The following ZNF488 variants were observed in gnomAD, a reference collection of about 807,000 sequenced individuals.
ZNF488 encodes zinc finger protein 488.
ZNF488 carries 1 observed loss-of-function variant against 1.2 expected under a neutral mutation model. That is an observed-to-expected ratio of 0.86 (90% CI 0.30 to 4.07). ZNF488 has a LOEUF of 4.07. Ranked by LOEUF, ZNF488 falls within the 30% of genes most tolerant of loss-of-function variation. The pLI, the probability that ZNF488 is intolerant of heterozygous loss-of-function variation, is 0.18. For synonymous variants in ZNF488, 185 were observed against 190.1 expected (o/e 0.97, Z 0.22); for missense variants, 450 against 437.9 (o/e 1.03, Z -0.25).
intron 1 of ZNF488, among the ~76,000 whole-genome samples, chr10:47,370,594 T>A (rs571220186): frequency 9.6e-4 from 146 of 152,328 alleles, no homozygotes; most frequent in African/African-American, 3.4e-3. Flanking sequence ...AAGGGTCAGA[T>A]CTGCCTAACA....
In ZNF488 at chr10:47,368,044, C is replaced by A; in HGVS notation, c.786G>T (p.Leu262=). The part of the protein sequence containing the change: ...SSSSTTSWAL[L]PPTLTSLGLS... ...AGCCCAGGGAGGTGAGGGTGGGTGG[C>A]AGGAGGGCCCACGAAGTGGTGGAGG... Residue 262 remains leucine (L), a synonymous_variant, in exon 2 of 2, where the codon CTG becomes CTT. Coordinates refer to ENST00000585316, the MANE Select transcript of ZNF488 (RefSeq NM_153034.4). 3 of 1,614,004 alleles carry A rather than the reference C, an allele frequency of 1.9e-6. No homozygotes were observed. Among genetic ancestry groups the A allele is most frequent in the Non-Finnish European group, 2.5e-6 (3 of 1,179,966 alleles).
At position 47,366,267 on chromosome 10, in the gene ZNF488, G is replaced by A. The variant is rs530407249; in HGVS notation, c.*1540C>T. ...CCACAGGGTTGGAGGCATCATCTGA[G>A]TTACACTTTCAGAAGATTATCTGGT... is the stretch of plus-strand genomic sequence containing the variant. On this transcript the variant is annotated 3_prime_UTR_variant, in exon 2 of 2. Transcript: ENST00000585316. The A allele has an allele frequency of 6.0e-6, 1 of 167,430 alleles. No homozygotes were observed. Among genetic ancestry groups the A allele is most frequent in the South Asian group, 2.1e-4 (1 of 4,828 alleles). 10.4% of individuals were successfully genotyped at this position (167,430 alleles called of 1,614,324 possible).
chr10:47,381,968 C>G (rs535875177), intron 1 of ZNF488, among the ~76,000 whole-genome samples: 48 of 14,010 alleles, frequency 3.4e-3, no homozygotes, highest in Non-Finnish European at 7.1e-3. Context: ...TTATATTTGC[C>G]AGGGCTGCAG....
At chr10:47,371,954 T>C (rs1555213899) in intron 1 of ZNF488, among the ~76,000 whole-genome samples, 14 of 152,100 alleles carry the variant, frequency 9.2e-5, no homozygotes, top group Non-Finnish European at 2.9e-5. Flanking sequence ...CTGCCAAGCC[T>C]GGAACTGAGC....
intron 1 of ZNF488, among the ~76,000 whole-genome samples, chr10:47,369,560 C>G (rs1219133730): frequency 6.6e-6 from 1 of 152,194 alleles, no homozygotes; most frequent in African/African-American, 2.4e-5. Flanking sequence ...ACCAGACCTG[C>G]CTCCCAGCCT....
At chr10:47,376,276 C>T (rs1295601805) in intron 1 of ZNF488, among the ~76,000 whole-genome samples, 5 of 152,016 alleles carry the variant, frequency 3.3e-5, no homozygotes, top group Admixed American at 2.6e-4. Context: ...TGGATGAATA[C>T]GAGTTCACCA....
intron 1 of ZNF488, among the ~76,000 whole-genome samples, chr10:47,375,431 T>C (rs954961321): frequency 8.5e-5 from 13 of 152,194 alleles, no homozygotes; most frequent in African/African-American, 2.9e-4. Context: ...TCAGCCAGAA[T>C]GGGATTATTT....
rs1555212677 is a variant in ZNF488, at chr10:47,365,556, G to A, written c.*2251C>T. Reference sequence around the variant, plus strand: ...GCCATGCCCTGTTCTGGGCACCAGGGATGCACAGTAAACAAACCAATCTCT... The same window carrying A: ...GCCATGCCCTGTTCTGGGCACCAGGAATGCACAGTAAACAAACCAATCTCT... On this transcript the variant is annotated 3_prime_UTR_variant, in exon 2 of 2. Transcript: ENST00000585316. The A allele has an allele frequency of 1.2e-5, 2 of 167,134 alleles. No homozygotes were observed. Among genetic ancestry groups the A allele is most frequent in the African/African-American group, 4.8e-5 (2 of 41,442 alleles). 10.4% of individuals were successfully genotyped at this position (167,134 alleles called of 1,614,324 possible). A position where few individuals can be genotyped will look rare whatever the true frequency, so the allele number is the denominator to read the frequency against.
chr10:47,383,688 T>A (rs1838070589), intron 1 of ZNF488, among the ~76,000 whole-genome samples: 2 of 152,226 alleles, frequency 1.3e-5, no homozygotes, highest in Admixed American at 1.3e-4. Flanking sequence ...GATCTTTGGA[T>A]ATAATCTGTT....
intron 1 of ZNF488, among the ~76,000 whole-genome samples, chr10:47,382,585 T>C (rs190782584): frequency 3.3e-5 from 5 of 152,176 alleles, no homozygotes; most frequent in African/African-American, 9.6e-5. Flanking sequence ...TCCGCATATG[T>C]TGGGGATCAG....
rs920056183 is a variant in ZNF488 at position 47,371,785 on chromosome 10, T to C, written c.-108-2848A>G. Among the ~76,000 whole-genome samples, 3 of 152,050 alleles carry C rather than the reference T, an allele frequency of 2.0e-5. No homozygotes were observed. In the South Asian group the frequency reaches 6.2e-4, roughly 32 times the overall value. On this transcript the variant is annotated intron_variant, in intron 1 of 1. Transcript: ENST00000585316. ...AGGAAATCATTCTGAGGTGAATTCC[T>C]CCCACTGTCTACTCTCCTTTGGAAA...
rs1412875529 is a variant in ZNF488, at chr10:47,366,695, G to T, written c.*1112C>A. On this transcript the variant is annotated 3_prime_UTR_variant, in exon 2 of 2. Coordinates refer to ENST00000585316, the MANE Select transcript of ZNF488 (RefSeq NM_153034.4). ...AGGGCTGATGCGGGTACCTACAACAGCTACTGACCGAAACGCAGTAGATAA... is the reference window on the plus strand; with the variant it reads ...AGGGCTGATGCGGGTACCTACAACATCTACTGACCGAAACGCAGTAGATAA... 6.0e-6 allele frequency: 1 copy of T among 167,082 alleles called. No individual in the cohort carries two copies. The highest frequency in any genetic ancestry group is 1.5e-5 in the Non-Finnish European group (1 of 68,130). 10.3% of individuals were successfully genotyped at this position (167,082 alleles called of 1,614,324 possible). A position where few individuals can be genotyped will look rare whatever the true frequency, so the allele number is the denominator to read the frequency against.
intron 1 of ZNF488, among the ~76,000 whole-genome samples, chr10:47,371,110 G>A (rs1555213813): frequency 1.3e-5 from 2 of 152,208 alleles, no homozygotes; most frequent in Non-Finnish European, 2.9e-5. Flanking sequence ...TTCACAAGAA[G>A]CTTGCATGGG....
chr10:47,367,778 C>A lies in ZNF488; in HGVS notation c.*29G>T. On this transcript the variant is annotated 3_prime_UTR_variant, in exon 2 of 2. Transcript: ENST00000585316. ...CCCCTCTGCCAAAGGCTGGCTGCTGCACCCAGCAGGTCATTCTGCGGTCAC... is the reference window on the plus strand; with the variant it reads ...CCCCTCTGCCAAAGGCTGGCTGCTGAACCCAGCAGGTCATTCTGCGGTCAC... 6.3e-7 allele frequency: 1 copy of A among 1,582,788 alleles called. No individual in the cohort carries two copies. The highest frequency in any genetic ancestry group is 8.6e-7 in the Non-Finnish European group (1 of 1,164,672).
chr10:47,367,361 T>C lies in ZNF488; in HGVS notation c.*446A>G, dbSNP rs1164209190. ...GGTCTGCAGGCAGAATGCTGGCCAC[T>C]TTCCACACACCTTTCATGTGACCTG... On this transcript the variant is annotated 3_prime_UTR_variant, in exon 2 of 2. Transcript: ENST00000585316. 1.6e-5 allele frequency: 3 copies of C among 185,368 alleles called. No homozygotes were observed. The highest frequency in any genetic ancestry group is 2.5e-5 in the Non-Finnish European group (2 of 80,072). 11.5% of individuals were successfully genotyped at this position (185,368 alleles called of 1,614,324 possible).
intron 1 of ZNF488, among the ~76,000 whole-genome samples, chr10:47,374,204 G>A (rs144406370): frequency 1.3e-5 from 2 of 152,304 alleles, no homozygotes; most frequent in African/African-American, 2.4e-5. Context: ...ATAAGGCGCC[G>A]AGTGACATCT....
chr10:47,367,530 C>A lies in ZNF488; in HGVS notation c.*277G>T, dbSNP rs1156564814. 5 of 492,984 alleles carry A rather than the reference C, an allele frequency of 1.0e-5. No homozygotes were observed. The highest frequency in any genetic ancestry group is 2.0e-5 in the African/African-American group (1 of 51,096). The allele number at this position is 492,984 out of a possible 1,614,324, so 30.5% of individuals were successfully genotyped here. A position where few individuals can be genotyped will look rare whatever the true frequency, so the allele number is the denominator to read the frequency against. ...AATCCAGGCTTGTGTGCCTCCAAAG[C>A]CCATGATGTGTGCCAGGAGTTGCCC... On this transcript the variant is annotated 3_prime_UTR_variant, in exon 2 of 2. Coordinates refer to ENST00000585316, the MANE Select transcript of ZNF488 (RefSeq NM_153034.4).
In ZNF488 at chr10:47,368,603, A is replaced by C; in HGVS notation, c.227T>G (p.Leu76Arg). Reference sequence around the variant, plus strand: ...TCGGGGCTTGCCTGGGGCTACCAACAGTGCCAGCTCCGCACTGCCCACATC... The same window carrying C: ...TCGGGGCTTGCCTGGGGCTACCAACCGTGCCAGCTCCGCACTGCCCACATC... The part of the protein sequence containing the change: ...GRDVGSAELA[L>R]LVAPGKPRPG... Residue 76 changes from leucine to arginine, a missense_variant, in exon 2 of 2, where the codon CTG becomes CGG. Physicochemically the swap from Leu to Arg is moderately radical, Grantham distance 102. Transcript: ENST00000585316. 1 of 1,610,774 alleles carries C rather than the reference A, an allele frequency of 6.2e-7. No individual in the cohort carries two copies.
rs182445938 is a variant in ZNF488 at position 47,368,529 on chromosome 10, C to T, written c.301G>A (p.Ala101Thr). 1.3e-4 allele frequency: 212 copies of T among 1,613,580 alleles called. 1 individual carries two copies. Among genetic ancestry groups the T allele is most frequent in the East Asian group, 4.2e-4 (19 of 44,874 alleles). Residue 101 changes from alanine (A) to threonine (T), a missense_variant, in exon 2 of 2, where the codon GCC (alanine) becomes ACC (threonine). Ala to Thr is a moderately conservative substitution (Grantham distance 58, BLOSUM62 0). Coordinates refer to ENST00000585316, the MANE Select transcript of ZNF488 (RefSeq NM_153034.4). The stretch of plus-strand genomic sequence containing the variant: ...TTCATCCTCGGCAGCTCCGTGAAGG[C>T]GCTCTGCCTCTGCTCTCCACGTGTC... ...PKTRGEQRQS[A>T]FTELPRMKDR...
Sources: gnomAD v4.1 joint callset for allele counts (sites outside exome capture counted in the v4.1 genomes callset) on GRCh38, gnomAD v4.1.1 for gene constraint, MANE v1.5 for transcripts, NCBI Gene and HGNC (gene_info 2026-07-23, HGNC 2026-07-21) for gene names.